The following SLC12A1 variants were observed in gnomAD, a reference collection of about 807,000 sequenced individuals.
The protein encoded by SLC12A1 is solute carrier family 12 member 1.
SLC12A1 carries 89 observed loss-of-function variants against 130.4 expected under a neutral mutation model. The observed-to-expected ratio is 0.68, with a 90% CI of 0.58 to 0.81. The LOEUF is 0.81. Among genes scored for constraint, SLC12A1 ranks in the 40% least tolerant of loss-of-function variants. The probability of loss-of-function intolerance (pLI) is 0.00; values close to 1 mark genes in which losing one functional copy is unlikely to be tolerated. For synonymous variants in SLC12A1, 499 were observed against 460.0 expected (o/e 1.08, Z -1.09); for missense variants, 1,310 against 1,336.4 (o/e 0.98, Z 0.31).
At position 48,208,118 on chromosome 15, in the gene SLC12A1, G is replaced by A; in HGVS notation, c.399G>A (p.Glu133=). 1 of 1,591,070 alleles carries A rather than the reference G, an allele frequency of 6.3e-7. No homozygotes were observed. Among genetic ancestry groups the A allele is most frequent in the Non-Finnish European group, 8.6e-7 (1 of 1,167,426 alleles). ...AGGTCAACCGACCCAGCCTGCTTGA[G>A]ATTCACGAGCAACTCGCAAAGGTAA... is the stretch of plus-strand genomic sequence containing the variant. ...GPKVNRPSLL[E]IHEQLAKNVA... is the part of the protein sequence containing the mutation. The change falls in exon 2 of 27, where the codon GAG becomes GAA. Residue 133 remains glutamate (E), a synonymous_variant. Transcript: ENST00000380993.
chr15:48,244,834 G>A lies in SLC12A1; in HGVS notation c.1382G>A (p.Cys461Tyr), dbSNP rs1158818737. Residue 461 changes from cysteine (C) to tyrosine (Y), a missense_variant, in exon 11 of 27, where the codon TGT becomes TAT. Coordinates refer to ENST00000380993, the MANE Select transcript of SLC12A1 (RefSeq NM_000338.3). ...ATGAACTGCAATGGTTCAGCAGCATGTGGGTTGGGCTATGACTTCTCAAGA... is the reference window on the plus strand; with the variant it reads ...ATGAACTGCAATGGTTCAGCAGCATATGGGTTGGGCTATGACTTCTCAAGA... Reference protein sequence around the residue: ...SGMNCNGSAACGLGYDFSRCR... With the variant: ...SGMNCNGSAAYGLGYDFSRCR... 4 of 1,614,000 alleles carry A rather than the reference G, an allele frequency of 2.5e-6. No individual in the cohort carries two copies. The highest frequency in any genetic ancestry group is 1.7e-6 in the Non-Finnish European group (2 of 1,179,872).
intron 2 of SLC12A1, among the ~76,000 whole-genome samples, chr15:48,211,921 G>A (rs1597394981): frequency 6.6e-6 from 1 of 152,136 alleles, no homozygotes; most frequent in East Asian, 1.9e-4. Flanking sequence ...ATCTATGTTA[G>A]TAAAGAGCTA....
chr15:48,261,618 A>C (rs2041776032), intron 17 of SLC12A1, among the ~76,000 whole-genome samples: 1 of 152,202 alleles, frequency 6.6e-6, no homozygotes, highest in East Asian at 1.9e-4. Context: ...GTCGTCAATC[A>C]TCTTTGCAAA....
At chr15:48,261,211 A>G (rs189801916) in intron 17 of SLC12A1, among the ~76,000 whole-genome samples, 2 of 152,334 alleles carry the variant, frequency 1.3e-5, no homozygotes. Flanking sequence ...AGGCAATAAA[A>G]TATCTTTAGG....
At chr15:48,252,045 A>G (rs188299493) in intron 15 of SLC12A1, among the ~76,000 whole-genome samples, 173 of 152,214 alleles carry the variant, frequency 1.1e-3, no homozygotes, top group Admixed American at 2.0e-3. Flanking sequence ...TCTACTAAAA[A>G]TACAAAAATT....
At chr15:48,246,298 T>G (rs1490036501) in intron 11 of SLC12A1, among the ~76,000 whole-genome samples, 1 of 152,152 alleles carries the variant, frequency 6.6e-6, no homozygotes, top group Non-Finnish European at 1.5e-5. Context: ...AATACTACTT[T>G]CTGCTGGATA....
At chr15:48,245,054 C>A in intron 11 of SLC12A1, 150 bp downstream of exon 11, 2 of 751,444 alleles carry the variant, frequency 2.7e-6, no homozygotes, top group Non-Finnish European at 4.4e-6. Flanking sequence ...AGGAGTCATA[C>A]AGTCATTACA....
chr15:48,244,063 G>C (rs148444787), intron 10 of SLC12A1, among the ~76,000 whole-genome samples: 71 of 152,218 alleles, frequency 4.7e-4, no homozygotes, highest in African/African-American at 1.7e-3. Flanking sequence ...AGAAGAAAAA[G>C]TTTATGCACA....
At chr15:48,272,251 ATC>A (rs2041906005) in intron 19 of SLC12A1, among the ~76,000 whole-genome samples, 2 of 152,242 alleles carry the variant, frequency 1.3e-5, no homozygotes, top group Non-Finnish European at 2.9e-5. Context: ...AATAATGACA[ATC>A]ATGTATCCAT....
At chr15:48,295,601 G>C (rs2042169592) in intron 24 of SLC12A1, among the ~76,000 whole-genome samples, 1 of 152,038 alleles carries the variant, frequency 6.6e-6, no homozygotes. Flanking sequence ...CATTATCCTG[G>C]AATAAAGAGA....
chr15:48,269,519 G>A, intron 18 of SLC12A1, 139 bp from the exon 19 acceptor site: 2 of 497,842 alleles, frequency 4.0e-6, no homozygotes, highest in Middle Eastern at 3.5e-4. Context: ...CGGGCATGAA[G>A]GACATGCACT....
chr15:48,232,148 G>T (rs2041388348), intron 7 of SLC12A1, among the ~76,000 whole-genome samples: 1 of 152,236 alleles, frequency 6.6e-6, no homozygotes, highest in Non-Finnish European at 1.5e-5. Flanking sequence ...TCCAGGTAAA[G>T]GAAACAGCAT....
At chr15:48,255,536 C>T (rs1158814023) in intron 15 of SLC12A1, among the ~76,000 whole-genome samples, 1 of 152,270 alleles carries the variant, frequency 6.6e-6, no homozygotes, top group Non-Finnish European at 1.5e-5. Flanking sequence ...GGTTATCGCA[C>T]AGCCTCTCCC....
At chr15:48,226,725 G>A (rs891006509) in intron 5 of SLC12A1, 154 bp downstream of exon 5, 15 of 660,136 alleles carry the variant, frequency 2.3e-5, no homozygotes, top group Middle Eastern at 2.5e-4. Context: ...CCTAAGGTAC[G>A]ATGAGAATAG....
chr15:48,285,568 TTTAAG>T (rs1377489211), intron 21 of SLC12A1, among the ~76,000 whole-genome samples: 1 of 152,214 alleles, frequency 6.6e-6, no homozygotes, highest in Non-Finnish European at 1.5e-5. Flanking sequence ...GGGATAGAAA[TTTAAG>T]AGCCAATACC....
intron 9 of SLC12A1, among the ~76,000 whole-genome samples, chr15:48,240,068 TATCC>T (rs1567317036): frequency 7.2e-5 from 7 of 96,732 alleles, no homozygotes; most frequent in African/African-American, 3.1e-4. Context: ...TATATATATA[TATCC>T]ATATATATAT....
chr15:48,244,796 C>G lies in SLC12A1; in HGVS notation c.1344C>G (p.Thr448=). ...ATGCCACCGGGAACATGAATGACAC[C>G]ATCATTTCTGGGATGAACTGCAATG... ...VRDATGNMND[T]IISGMNCNGS... Residue 448 remains threonine (T), a synonymous_variant, in exon 11 of 27, where the codon ACC becomes ACG. Transcript: ENST00000380993. 1.2e-6 allele frequency: 2 copies of G among 1,613,852 alleles called. No individual in the cohort carries two copies. The highest frequency in any genetic ancestry group is 2.2e-5 in the South Asian group (2 of 91,080).
In SLC12A1 at chr15:48,246,549, G is replaced by C. The variant is rs141473967; in HGVS notation, c.1453-360G>C. On this transcript the variant is annotated intron_variant, in intron 11 of 26. Coordinates refer to ENST00000380993, the MANE Select transcript of SLC12A1 (RefSeq NM_000338.3). Reference sequence around the variant, plus strand: ...TAATCCCAGCCCTTTGAGAGGCTGAGGTGGGCGGATCACTTGAGGTCAGGA... The same window carrying C: ...TAATCCCAGCCCTTTGAGAGGCTGACGTGGGCGGATCACTTGAGGTCAGGA... 5.3e-3 allele frequency among the ~76,000 whole-genome samples: 803 copies of C among 152,294 alleles called. 7 individuals are homozygous for C. Among genetic ancestry groups the C allele is most frequent in the African/African-American group, 0.018 (757 of 41,562 alleles).
At chr15:48,290,569 C>T (rs2042108697) in intron 23 of SLC12A1, among the ~76,000 whole-genome samples, 1 of 152,146 alleles carries the variant, frequency 6.6e-6, no homozygotes, top group African/African-American at 2.4e-5. Flanking sequence ...ATGTATTGTG[C>T]TATGCCGTTA....
Sources: gnomAD v4.1 joint callset for allele counts (sites outside exome capture counted in the v4.1 genomes callset) on GRCh38, gnomAD v4.1.1 for gene constraint, MANE v1.5 for transcripts, NCBI Gene and HGNC (gene_info 2026-07-23, HGNC 2026-07-21) for gene names.